Variants in TMEM131 observed in about 807,000 individuals in gnomAD.
TMEM131 encodes the protein 2610524E03Rik.
In TMEM131, 66 loss-of-function variants were observed where a neutral mutation model predicts 211.6. That is an observed-to-expected ratio of 0.31 (90% CI 0.26 to 0.38). TMEM131 has a LOEUF of 0.38. Among genes scored for constraint, TMEM131 ranks in the 10% least tolerant of loss-of-function variants. TMEM131 has a pLI of 1.00. For missense variants in TMEM131, 2,036 were observed against 2,299.3 expected, an observed-to-expected ratio of 0.89 and a Z score of 2.34; for synonymous variants, 844 against 841.3, an observed-to-expected ratio of 1.00 and a Z score of -0.06.
At chr2:97,949,585 C>T (rs560350725) in intron 1 of TMEM131, among the ~76,000 whole-genome samples, 24 of 151,818 alleles carry the variant, frequency 1.6e-4, no homozygotes, top group South Asian at 2.1e-4. Flanking sequence ...GAGGCCGAGG[C>T]GGGTGGATCA....
chr2:97,840,642 T>C (rs566743754), intron 7 of TMEM131, among the ~76,000 whole-genome samples: 1 of 152,128 alleles, frequency 6.6e-6, no homozygotes, highest in African/African-American at 2.4e-5. Flanking sequence ...CTACATAGAT[T>C]TGTAATAACA....
chr2:97,808,020 T>C (rs542305979), intron 19 of TMEM131, among the ~76,000 whole-genome samples: 22 of 152,318 alleles, frequency 1.4e-4, no homozygotes, highest in African/African-American at 4.8e-4. Flanking sequence ...AGAAGTGTTT[T>C]AGATTTTTTT....
At chr2:97,946,586 T>C (rs1008277767) in intron 1 of TMEM131, among the ~76,000 whole-genome samples, 10 of 151,958 alleles carry the variant, frequency 6.6e-5, no homozygotes, top group African/African-American at 2.4e-4. Context: ...AAGAAACTTA[T>C]TTTGTAGTTA....
chr2:97,866,150 G>C lies in TMEM131; in HGVS notation c.360-6723C>G, dbSNP rs186703267. Reference sequence around the variant, plus strand: ...GCCTGCCTCGCCTCCCAAAGTGCAGGGATTACAGGCGTGAGCCGCCGTGCC... The same window carrying C: ...GCCTGCCTCGCCTCCCAAAGTGCAGCGATTACAGGCGTGAGCCGCCGTGCC... On this transcript the variant is annotated intron_variant, in intron 4 of 40. Transcript: ENST00000186436. Among the ~76,000 whole-genome samples, 568 of 152,268 alleles carry C rather than the reference G, an allele frequency of 3.7e-3. 4 individuals are homozygous for C. Among genetic ancestry groups the C allele is most frequent in the African/African-American group, 0.013 (551 of 41,550 alleles).
intron 1 of TMEM131, among the ~76,000 whole-genome samples, chr2:97,950,899 A>G (rs115981832): frequency 0.029 from 4,398 of 152,304 alleles, 79 homozygotes; most frequent in Middle Eastern, 0.065. Flanking sequence ...CCAGGTACTA[A>G]TATCCTTTTA....
intron 31 of TMEM131, among the ~76,000 whole-genome samples, chr2:97,788,272 G>T (rs1442654052): frequency 1.3e-5 from 2 of 152,140 alleles, no homozygotes; most frequent in Non-Finnish European, 2.9e-5. Context: ...TGCTGAAGGG[G>T]CCAGCGTACA....
At chr2:97,845,759 CA>C (rs59502408) in intron 5 of TMEM131, among the ~76,000 whole-genome samples, 4,278 of 122,136 alleles carry the variant, frequency 0.035, 208 homozygotes, top group African/African-American at 0.12. Context: ...CAGAAAGTAG[CA>C]AAAAAAAAAA....
intron 31 of TMEM131, among the ~76,000 whole-genome samples, chr2:97,785,739 A>G (rs1350111765): frequency 2.0e-5 from 3 of 152,238 alleles, no homozygotes; most frequent in Non-Finnish European, 4.4e-5. Context: ...ATCTTTATAC[A>G]TAACAGCCCC....
intron 5 of TMEM131, among the ~76,000 whole-genome samples, chr2:97,855,333 C>A (rs1010854129): frequency 6.6e-6 from 1 of 152,200 alleles, no homozygotes; most frequent in African/African-American, 2.4e-5. Flanking sequence ...GTCAACCTGG[C>A]AAATCTGTGC....
At chr2:97,759,389 C>T (rs1362439545) in intron 39 of TMEM131, 1 of 527,430 alleles carries the variant, frequency 1.9e-6, no homozygotes, top group Non-Finnish European at 3.4e-6. Flanking sequence ...CAGACCAGAA[C>T]CCTTCTGTGA....
chr2:97,793,386 T>G lies in TMEM131; in HGVS notation c.3545+9A>C. 1 of 1,608,670 alleles carries G rather than the reference T, an allele frequency of 6.2e-7. No individual in the cohort carries two copies. The highest frequency in any genetic ancestry group is 1.3e-5 in the African/African-American group (1 of 74,874). ...CACTAGGGAATTTATTGCCAGCATGTGAACATACTTTCCTTCAGATGAAAT... is the reference window on the plus strand; with the variant it reads ...CACTAGGGAATTTATTGCCAGCATGGGAACATACTTTCCTTCAGATGAAAT... On this transcript the variant is annotated intron_variant, in intron 30 of 40. Coordinates refer to ENST00000186436, the MANE Select transcript of TMEM131 (RefSeq NM_015348.2).
chr2:97,837,287 A>C, intron 7 of TMEM131, 130 bp from the exon 8 acceptor site: 1 of 600,394 alleles, frequency 1.7e-6, no homozygotes, highest in Non-Finnish European at 2.9e-6. Flanking sequence ...TAAACGTAGG[A>C]TATGTATAAT....
chr2:97,943,142 G>A (rs1351289586), intron 1 of TMEM131, among the ~76,000 whole-genome samples: 2 of 152,020 alleles, frequency 1.3e-5, no homozygotes, highest in Admixed American at 6.6e-5. Flanking sequence ...CCACTACTCA[G>A]GAGGCTGAGG....
chr2:97,834,878 T>C lies in TMEM131; in HGVS notation c.852A>G (p.Ser284=), dbSNP rs759233933. ...ETKGVMRASF[S]SREADNHTAF... ...CTGTGTGATTATCTGCTTCTCTAGA[T>C]GAAAAACTGGCTCTCATCACTCCCT... Residue 284 remains serine, a synonymous_variant, in exon 9 of 41, where the codon TCA becomes TCG. Transcript: ENST00000186436. 4 of 1,613,802 alleles carry C rather than the reference T, an allele frequency of 2.5e-6. No individual in the cohort carries two copies. In the East Asian group the frequency reaches 6.7e-5, roughly 27 times the overall value.
In TMEM131 at chr2:97,792,392, T is replaced by C; in HGVS notation, c.4138A>G (p.Ser1380Gly). The C allele has an allele frequency of 1.3e-6, 2 of 1,569,506 alleles. No homozygotes were observed. Among genetic ancestry groups the C allele is most frequent in the Non-Finnish European group, 1.7e-6 (2 of 1,155,758 alleles). The change falls in exon 31 of 41, where the codon AGC becomes GGC. Residue 1380 changes from serine (S) to glycine (G), a missense_variant. This residue lies in a region of TMEM131 where 1,623 missense variants were observed against 1,805.9 expected (regional missense o/e 0.90). Coordinates refer to ENST00000186436, the MANE Select transcript of TMEM131 (RefSeq NM_015348.2). The stretch of plus-strand genomic sequence containing the variant: ...GGCAGTGGGAGATGATTACCTTTGC[T>C]TTTTGGCAATGGCGATGGAGGCTGC... ...TEQPPSPLPK[S>G]KGKGKPLQRK...
intron 1 of TMEM131, among the ~76,000 whole-genome samples, chr2:97,977,746 G>T (rs181397881): frequency 7.2e-5 from 11 of 152,256 alleles, no homozygotes; most frequent in African/African-American, 2.6e-4. Context: ...GGTTGATCAG[G>T]ATCAGGATAA....
chr2:97,827,230 G>A (rs1451039610), intron 11 of TMEM131: 22 of 757,096 alleles, frequency 2.9e-5, no homozygotes, highest in South Asian at 4.2e-5. Context: ...CCTGGCACGC[G>A]CCTTCCCCGC....
At chr2:97,961,174 T>C (rs1678799600) in intron 1 of TMEM131, among the ~76,000 whole-genome samples, 1 of 150,772 alleles carries the variant, frequency 6.6e-6, no homozygotes, top group Non-Finnish European at 1.5e-5. Flanking sequence ...AGTAAGGTTA[T>C]AGCACGTAAA....
intron 2 of TMEM131, among the ~76,000 whole-genome samples, chr2:97,914,448 T>C (rs1676423725): frequency 6.6e-6 from 1 of 152,202 alleles, no homozygotes; most frequent in African/African-American, 2.4e-5. Flanking sequence ...CTCTGCTGTG[T>C]AGGTTCATGA....
Sources: allele counts gnomAD v4.1 joint callset (sites outside exome capture counted in the v4.1 genomes callset), GRCh38; gene constraint gnomAD v4.1.1; regional missense constraint gnomAD v4.1.1; transcripts MANE v1.5; gene names NCBI Gene and HGNC (gene_info 2026-07-23, HGNC 2026-07-21).